Variants in UBE2E3 observed in about 807,000 individuals in gnomAD.
The protein encoded by UBE2E3 is ubiquitin-conjugating enzyme E2 E3.
UBE2E3 carries 5 observed loss-of-function variants against 23.6 expected under a neutral mutation model. The observed-to-expected ratio is 0.21, with a 90% CI of 0.11 to 0.44. The LOEUF (loss-of-function observed/expected upper bound fraction) is 0.44, where lower values mean the gene tolerates loss of function less well. Ranked by LOEUF, UBE2E3 falls within the 20% of genes least tolerant of loss-of-function variation. The pLI is 0.99. For missense variants in UBE2E3, 81 were observed against 249.8 expected, an observed-to-expected ratio of 0.32 and a Z score of 4.55; for synonymous variants, 78 against 87.5, an observed-to-expected ratio of 0.89 and a Z score of 0.60.
chr2:180,982,410 G>C (rs768273939), intron 2 of UBE2E3, among the ~76,000 whole-genome samples, 174 bp downstream of exon 2: 3 of 152,164 alleles, frequency 2.0e-5, no homozygotes, highest in East Asian at 1.9e-4. Context: ...AACATTACTA[G>C]AATTATACTT....
At chr2:181,008,362 C>T (rs1282786280) in intron 3 of UBE2E3, among the ~76,000 whole-genome samples, 1 of 152,182 alleles carries the variant, frequency 6.6e-6, no homozygotes, top group African/African-American at 2.4e-5. Flanking sequence ...GAGAGAAGTT[C>T]TTCCGAGGAT....
intron 3 of UBE2E3, chr2:180,987,349 G>A (rs1684511894): frequency 6.5e-7 from 1 of 1,549,792 alleles, no homozygotes; most frequent in Non-Finnish European, 8.7e-7. Context: ...GGGTGTCCTT[G>A]TCCTCTCCTA....
At chr2:181,022,499 G>A (rs1426722691) in intron 3 of UBE2E3, among the ~76,000 whole-genome samples, 9 of 151,684 alleles carry the variant, frequency 5.9e-5, no homozygotes, top group African/African-American at 1.7e-4. Context: ...TCTTCTCAGT[G>A]TATATTGTTG....
chr2:181,008,221 A>T (rs1518456), intron 3 of UBE2E3, among the ~76,000 whole-genome samples: 35,340 of 152,138 alleles, frequency 0.23, 4,474 homozygotes, highest in Non-Finnish European at 0.28. Context: ...CTGCATGAGG[A>T]TTGGATGGAA....
intron 3 of UBE2E3, among the ~76,000 whole-genome samples, chr2:181,006,518 G>C (rs1685151827): frequency 6.6e-6 from 1 of 151,740 alleles, no homozygotes; most frequent in East Asian, 1.9e-4. Context: ...TTATAAGTAT[G>C]TCCCAAATGT....
At chr2:181,021,736 T>A (rs548520381) in intron 3 of UBE2E3, among the ~76,000 whole-genome samples, 9 of 150,690 alleles carry the variant, frequency 6.0e-5, no homozygotes, top group African/African-American at 1.9e-4. Flanking sequence ...TGGAACCATA[T>A]AAAGTAATTT....
At chr2:180,980,408 C>G (rs1684225831), upstream of UBE2E3, 1 of 151,606 alleles carries the variant, frequency 6.6e-6, no homozygotes, top group Non-Finnish European at 1.5e-5. The surrounding 1 kb of genome is among the most constrained non-coding windows in gnomAD (Gnocchi z 5.5). Flanking sequence ...CGCCGGGTCC[C>G]CGCCGCGCTC....
At chr2:181,053,925 A>G (rs2105476249) in intron 3 of UBE2E3, among the ~76,000 whole-genome samples, 1 of 151,858 alleles carries the variant, frequency 6.6e-6, no homozygotes, top group East Asian at 1.9e-4. Context: ...CCAGAATGTC[A>G]TATAGATGGA....
At chr2:180,982,911 C>T (rs1276851365) in intron 2 of UBE2E3, among the ~76,000 whole-genome samples, 1 of 152,108 alleles carries the variant, frequency 6.6e-6, no homozygotes, top group African/African-American at 2.4e-5. Flanking sequence ...CACTCTGAAA[C>T]TTGTGGATGT....
intron 3 of UBE2E3, among the ~76,000 whole-genome samples, chr2:180,988,695 T>C (rs562767464): frequency 6.6e-6 from 1 of 152,286 alleles, no homozygotes; most frequent in South Asian, 2.1e-4. Context: ...TTTTTTCTAA[T>C]TGGCGTATGA....
chr2:181,043,668 C>T (rs576193547), intron 3 of UBE2E3, among the ~76,000 whole-genome samples: 132 of 152,084 alleles, frequency 8.7e-4, no homozygotes, highest in African/African-American at 2.5e-3. Context: ...TAATAATTAA[C>T]GATAATCACC....
At chr2:181,030,591 T>G (rs1362811498) in intron 3 of UBE2E3, among the ~76,000 whole-genome samples, 2 of 152,126 alleles carry the variant, frequency 1.3e-5, no homozygotes, top group African/African-American at 2.4e-5. Flanking sequence ...AAAAAATTAT[T>G]TTTTTATTTT....
intron 3 of UBE2E3, among the ~76,000 whole-genome samples, chr2:181,013,213 T>C (rs555138779): frequency 6.6e-6 from 1 of 152,310 alleles, no homozygotes; most frequent in Non-Finnish European, 1.5e-5. Context: ...GGAGTTGTGT[T>C]ATCTATTGCT....
At chr2:181,030,088 T>G (rs935952203) in intron 3 of UBE2E3, among the ~76,000 whole-genome samples, 21 of 152,064 alleles carry the variant, frequency 1.4e-4, no homozygotes, top group Non-Finnish European at 3.1e-4. Flanking sequence ...TGCTTCGGCC[T>G]CCCAAAGTGC....
chr2:181,033,604 T>C (rs1419149754), intron 3 of UBE2E3, among the ~76,000 whole-genome samples: 6 of 152,186 alleles, frequency 3.9e-5, no homozygotes, highest in South Asian at 2.1e-4. Context: ...CAATACCATT[T>C]AGGACATAGG....
chr2:181,022,904 T>C (rs1685754300), intron 3 of UBE2E3, among the ~76,000 whole-genome samples: 1 of 151,930 alleles, frequency 6.6e-6, no homozygotes, highest in Admixed American at 6.6e-5. Context: ...ATACCAGATG[T>C]CCTTCAACTT....
intron 3 of UBE2E3, among the ~76,000 whole-genome samples, chr2:181,008,591 A>G (rs1685222414): frequency 6.6e-6 from 1 of 152,240 alleles, no homozygotes; most frequent in African/African-American, 2.4e-5. Flanking sequence ...AGCCATGCTC[A>G]GGGCAGCATT....
At chr2:181,004,318 A>T (rs1334920880) in intron 3 of UBE2E3, among the ~76,000 whole-genome samples, 1 of 152,156 alleles carries the variant, frequency 6.6e-6, no homozygotes, top group Admixed American at 6.5e-5. Context: ...GTATGCAAAA[A>T]ATTACCTGAT....
chr2:181,016,340 A>G (rs1439127778), intron 3 of UBE2E3, among the ~76,000 whole-genome samples: 2 of 152,036 alleles, frequency 1.3e-5, no homozygotes, highest in East Asian at 1.9e-4. Flanking sequence ...TTGGCCTCCC[A>G]AAGTGCTAGG....
Sources: allele counts gnomAD v4.1 joint callset (sites outside exome capture counted in the v4.1 genomes callset), GRCh38; gene constraint gnomAD v4.1.1; non-coding constraint Gnocchi (gnomAD v3.1); transcripts MANE v1.5; gene names NCBI Gene and HGNC (gene_info 2026-07-23, HGNC 2026-07-21).